Variants in HDAC9 observed in about 807,000 individuals in gnomAD.
HDAC9 encodes the protein MEF-2 interacting transcription repressor (MITR) protein.
A neutral mutation model predicts 139.4 loss-of-function variants in HDAC9; 41 were observed. That is an observed-to-expected ratio of 0.29 (90% CI 0.23 to 0.38). HDAC9 has a LOEUF of 0.38. Ranked by LOEUF, HDAC9 falls within the 10% of genes least tolerant of loss-of-function variation. HDAC9 has a pLI of 1.00. For synonymous variants in HDAC9, 517 were observed against 476.2 expected (o/e 1.09, Z -1.12); for missense variants, 1,147 against 1,297.0 (o/e 0.88, Z 1.78).
At chr7:18,739,896 G>A (rs915150900) in intron 13 of HDAC9, among the ~76,000 whole-genome samples, 4 of 152,202 alleles carry the variant, frequency 2.6e-5, no homozygotes, top group Admixed American at 2.6e-4. Flanking sequence ...AGAGGCAGTA[G>A]GCCTTGCTGA....
intron 23 of HDAC9, among the ~76,000 whole-genome samples, chr7:18,937,885 T>G (rs1781752417): frequency 6.6e-6 from 1 of 152,240 alleles, no homozygotes; most frequent in Admixed American, 6.5e-5. Flanking sequence ...GTCTCTATAC[T>G]CATAATCTTT....
At chr7:18,143,847 T>A (rs1242859069) in intron 1 of HDAC9, among the ~76,000 whole-genome samples, 2 of 151,932 alleles carry the variant, frequency 1.3e-5, no homozygotes, top group African/African-American at 4.8e-5. Flanking sequence ...TGGTGCACAG[T>A]ATGGCTGTGC....
intron 1 of HDAC9, among the ~76,000 whole-genome samples, chr7:18,297,872 T>C (rs2128228035): frequency 6.6e-6 from 1 of 152,342 alleles, no homozygotes; most frequent in Non-Finnish European, 1.5e-5. Flanking sequence ...TGTCAAATCA[T>C]TGCAAAAATG....
At chr7:18,744,626 G>T (rs1260133853) in intron 13 of HDAC9, among the ~76,000 whole-genome samples, 1 of 152,096 alleles carries the variant, frequency 6.6e-6, no homozygotes, top group Non-Finnish European at 1.5e-5. Context: ...TGTCTATAAA[G>T]ACTCTATAGA....
intron 1 of HDAC9, among the ~76,000 whole-genome samples, chr7:18,466,180 G>A (rs925259459): frequency 5.3e-5 from 8 of 152,126 alleles, no homozygotes; most frequent in Non-Finnish European, 1.5e-5. Context: ...TCCTTGTCCC[G>A]TGACCTCTAT....
chr7:18,498,380 G>C (rs1797493545), intron 2 of HDAC9, among the ~76,000 whole-genome samples: 1 of 152,004 alleles, frequency 6.6e-6, no homozygotes, highest in Non-Finnish European at 1.5e-5. Flanking sequence ...GAACAGCCTG[G>C]GGATTGAGGT....
intron 1 of HDAC9, among the ~76,000 whole-genome samples, chr7:18,414,944 G>A (rs1391832622): frequency 1.3e-5 from 2 of 151,932 alleles, no homozygotes; most frequent in Non-Finnish European, 2.9e-5. Context: ...TCTGCTTTCC[G>A]TGGCTTCCTA....
intron 1 of HDAC9, among the ~76,000 whole-genome samples, chr7:18,374,398 C>T (rs1394556500): frequency 1.3e-5 from 2 of 151,876 alleles, no homozygotes; most frequent in Non-Finnish European, 2.9e-5. Context: ...TCTTAGAGAG[C>T]ACTTACAACA....
At chr7:18,890,727 A>G (rs957463551) in intron 22 of HDAC9, among the ~76,000 whole-genome samples, 3 of 152,214 alleles carry the variant, frequency 2.0e-5, no homozygotes, top group African/African-American at 7.2e-5. Flanking sequence ...TTTTTAAACT[A>G]AAAAGGAAAT....
At chr7:18,480,240 A>G (rs910834837) in intron 1 of HDAC9, among the ~76,000 whole-genome samples, 8 of 152,188 alleles carry the variant, frequency 5.3e-5, no homozygotes, top group Admixed American at 5.2e-4. Context: ...GATAGATGGT[A>G]ATCACCAGTA....
intron 2 of HDAC9, among the ~76,000 whole-genome samples, chr7:18,190,159 G>T (rs774979144): frequency 1.3e-5 from 2 of 152,084 alleles, no homozygotes; most frequent in Non-Finnish European, 1.5e-5. Flanking sequence ...GGCCAGGCTG[G>T]TCTCAAAACT....
chr7:18,617,240 C>T (rs1838875091), intron 6 of HDAC9, among the ~76,000 whole-genome samples: 1 of 152,024 alleles, frequency 6.6e-6, no homozygotes, highest in South Asian at 2.1e-4. Flanking sequence ...TCTAGTCTTC[C>T]TACCCTCTAA....
At chr7:18,779,593 A>C (rs1791070882) in intron 16 of HDAC9, among the ~76,000 whole-genome samples, 1 of 152,034 alleles carries the variant, frequency 6.6e-6, no homozygotes, top group African/African-American at 2.4e-5. Context: ...AGCAATGCAA[A>C]GGCTCTGTTA....
intron 2 of HDAC9, among the ~76,000 whole-genome samples, chr7:18,220,570 A>G (rs1216118357): frequency 6.6e-6 from 1 of 152,192 alleles, no homozygotes; most frequent in Non-Finnish European, 1.5e-5. Flanking sequence ...CAGGAATAGT[A>G]TGGACACCTA....
intron 21 of HDAC9, among the ~76,000 whole-genome samples, chr7:18,872,479 G>A (rs1036875044): frequency 4.6e-5 from 7 of 152,100 alleles, no homozygotes; most frequent in Admixed American, 2.6e-4. Context: ...TTAAGAAAAG[G>A]GCACTATAAA....
chr7:18,827,511 A>G (rs1438392150), intron 17 of HDAC9, among the ~76,000 whole-genome samples: 1 of 152,150 alleles, frequency 6.6e-6, no homozygotes, highest in African/African-American at 2.4e-5. Flanking sequence ...TCAGCATAGA[A>G]CATTTTCTAA....
chr7:18,263,660 G>A (rs928931168), intron 2 of HDAC9, among the ~76,000 whole-genome samples: 1 of 151,226 alleles, frequency 6.6e-6, no homozygotes, highest in Non-Finnish European at 1.5e-5. Context: ...CTAGGCTGGA[G>A]TGCAGTGGTG....
intron 22 of HDAC9, among the ~76,000 whole-genome samples, chr7:18,884,375 G>C (rs571558445): frequency 6.6e-6 from 1 of 152,216 alleles, no homozygotes; most frequent in African/African-American, 2.4e-5. Flanking sequence ...ACAGAATAGA[G>C]GACCCAGAAA....
At chr7:18,476,921 G>A (rs969321727) in intron 1 of HDAC9, among the ~76,000 whole-genome samples, 9 of 152,136 alleles carry the variant, frequency 5.9e-5, no homozygotes, top group African/African-American at 2.2e-4. Flanking sequence ...CCCCCTGGAG[G>A]TCTCATGTTC....
Sources: gnomAD v4.1 joint callset for allele counts (sites outside exome capture counted in the v4.1 genomes callset) on GRCh38, gnomAD v4.1.1 for gene constraint, MANE v1.5 for transcripts, NCBI Gene and HGNC (gene_info 2026-07-23, HGNC 2026-07-21) for gene names.